The following NAALADL2 variants were observed in gnomAD, a reference collection of about 807,000 sequenced individuals.
The protein encoded by NAALADL2 is N-acetylated alpha-linked acidic dipeptidase like 2.
In NAALADL2, 76 loss-of-function variants were observed where a neutral mutation model predicts 87.2. The observed-to-expected ratio is 0.87, with a 90% CI of 0.72 to 1.05. The LOEUF is 1.05. Ranked by LOEUF, NAALADL2 falls within the 50% of genes least tolerant of loss-of-function variation. The probability of loss-of-function intolerance (pLI) is 0.00; values close to 1 mark genes in which losing one functional copy is unlikely to be tolerated. For synonymous variants in NAALADL2, 354 were observed against 331.0 expected (o/e 1.07, Z -0.75); for missense variants, 1,089 against 945.8 (o/e 1.15, Z -1.99).
At chr3:175,320,878 T>C (rs1268101024) in intron 4 of NAALADL2, among the ~76,000 whole-genome samples, 1 of 146,306 alleles carries the variant, frequency 6.8e-6, no homozygotes, top group Non-Finnish European at 1.5e-5. Flanking sequence ...CAGGACCAGA[T>C]GGATTCACAG....
chr3:174,733,279 A>G (rs561976636), intron 2 of NAALADL2, among the ~76,000 whole-genome samples: 1 of 152,364 alleles, frequency 6.6e-6, no homozygotes, highest in African/African-American at 2.4e-5. Context: ...GAGGAAAAAA[A>G]TCACATCTTT....
At chr3:175,545,881 T>C (rs959838612) in intron 9 of NAALADL2, among the ~76,000 whole-genome samples, 1 of 152,176 alleles carries the variant, frequency 6.6e-6, no homozygotes, top group African/African-American at 2.4e-5. Context: ...GATCTATTGA[T>C]GAACTTAACA....
intron 9 of NAALADL2, among the ~76,000 whole-genome samples, chr3:175,548,384 A>G (rs1713749815): frequency 6.6e-6 from 1 of 152,080 alleles, no homozygotes. Context: ...GGAACAACAC[A>G]CACTGGGACC....
intron 5 of NAALADL2, among the ~76,000 whole-genome samples, chr3:175,370,885 G>C (rs1289552745): frequency 6.6e-6 from 1 of 152,176 alleles, no homozygotes; most frequent in East Asian, 1.9e-4. Context: ...AAGGCTGGCA[G>C]CTCTTGAGAA....
chr3:174,679,215 G>C (rs1021859797), intron 2 of NAALADL2, among the ~76,000 whole-genome samples: 2 of 151,858 alleles, frequency 1.3e-5, no homozygotes, highest in South Asian at 2.1e-4. Context: ...CTTCTATTCT[G>C]CATATTCCAT....
At chr3:175,784,901 G>T (rs945905347) in intron 13 of NAALADL2, among the ~76,000 whole-genome samples, 2 of 115,770 alleles carry the variant, frequency 1.7e-5, no homozygotes, top group Admixed American at 1.6e-4. Flanking sequence ...CTGGTATGTT[G>T]TGTCTTTGTT....
At chr3:175,284,163 A>G (rs950615799) in intron 4 of NAALADL2, among the ~76,000 whole-genome samples, 2 of 144,690 alleles carry the variant, frequency 1.4e-5, no homozygotes, top group Admixed American at 7.2e-5. Flanking sequence ...ATGGCAAAGG[A>G]TAATTTTTTT....
rs572610378 is a variant in NAALADL2 at position 175,345,382 on chromosome 3, C to T, written c.1090+21057C>T. Reference sequence around the variant, plus strand: ...TAAGGAAGGGATAATATTTTAGTACCGTCTGATGAATCTTCTTTTTGACAT... The same window carrying T: ...TAAGGAAGGGATAATATTTTAGTACTGTCTGATGAATCTTCTTTTTGACAT... On this transcript the variant is annotated intron_variant, in intron 5 of 13. Transcript: ENST00000454872. Among the ~76,000 whole-genome samples the T allele has an allele frequency of 5.9e-5, 9 of 151,964 alleles. No homozygotes were observed. In the East Asian group the frequency reaches 9.7e-4, roughly 16 times the overall value.
intron 11 of NAALADL2, among the ~76,000 whole-genome samples, chr3:175,698,945 T>C (rs2149957439): frequency 6.6e-6 from 1 of 152,128 alleles, no homozygotes; most frequent in African/African-American, 2.4e-5. Context: ...ACTAATTCAG[T>C]AATATACAAC....
intron 10 of NAALADL2, among the ~76,000 whole-genome samples, chr3:175,620,072 T>A (rs2149697052): frequency 1.3e-5 from 1 of 76,682 alleles, no homozygotes; most frequent in Non-Finnish European, 3.6e-5. Context: ...TATCTCTTTT[T>A]GGAAAAAAAA....
chr3:175,013,169 A>AAAATATATTTTTATATATAT (rs1560475414), intron 1 of NAALADL2, among the ~76,000 whole-genome samples: 1 of 110,090 alleles, frequency 9.1e-6, no homozygotes, highest in African/African-American at 3.3e-5. Flanking sequence ...ATAAATATGT[A>AAAATATATTTTTATATATAT]ATACATATTT....
chr3:175,195,193 T>G (rs947178287), intron 2 of NAALADL2, among the ~76,000 whole-genome samples: 1 of 151,794 alleles, frequency 6.6e-6, no homozygotes, highest in Non-Finnish European at 1.5e-5. Context: ...TCCAATCACT[T>G]TTTAAATTCA....
chr3:174,820,536 G>C (rs904244051), intron 3 of NAALADL2, among the ~76,000 whole-genome samples: 2 of 152,092 alleles, frequency 1.3e-5, no homozygotes, highest in Non-Finnish European at 2.9e-5. Flanking sequence ...TTGATAGGGA[G>C]TTTTACTAAT....
intron 4 of NAALADL2, among the ~76,000 whole-genome samples, chr3:175,281,219 T>C (rs924152266): frequency 1.3e-5 from 2 of 151,682 alleles, no homozygotes; most frequent in Non-Finnish European, 2.9e-5. Flanking sequence ...CTATCTTCCG[T>C]CCATAATCCT....
At chr3:175,476,796 T>C (rs1449147618) in intron 9 of NAALADL2, among the ~76,000 whole-genome samples, 1 of 90,958 alleles carries the variant, frequency 1.1e-5, no homozygotes, top group Non-Finnish European at 2.7e-5. Flanking sequence ...TTCTTTAGGG[T>C]ATAAAAACAA....
intron 1 of NAALADL2, among the ~76,000 whole-genome samples, chr3:174,489,373 G>T: frequency 6.6e-6 from 1 of 151,932 alleles, no homozygotes; most frequent in East Asian, 1.9e-4. Context: ...AAGAGCTAAA[G>T]CTATAAAACC....
chr3:175,196,367 C>A (rs182230672), intron 2 of NAALADL2, among the ~76,000 whole-genome samples: 10 of 151,966 alleles, frequency 6.6e-5, no homozygotes, highest in African/African-American at 1.9e-4. Context: ...ATATGGGGCA[C>A]TTTCATCCAC....
chr3:175,429,087 T>C (rs1717295472), intron 5 of NAALADL2, among the ~76,000 whole-genome samples: 1 of 151,810 alleles, frequency 6.6e-6, no homozygotes, highest in Non-Finnish European at 1.5e-5. Flanking sequence ...ACTCTAACTT[T>C]ATCTGTATTG....
intron 13 of NAALADL2, among the ~76,000 whole-genome samples, chr3:175,758,060 CTT>C (rs1031329276): frequency 4.6e-5 from 7 of 151,932 alleles, no homozygotes; most frequent in African/African-American, 1.4e-4. Flanking sequence ...ATCTGGTAAA[CTT>C]TTTATTATCC....
Sources: allele counts gnomAD v4.1 joint callset (sites outside exome capture counted in the v4.1 genomes callset), GRCh38; gene constraint gnomAD v4.1.1; transcripts MANE v1.5; gene names NCBI Gene and HGNC (gene_info 2026-07-23, HGNC 2026-07-21).